LMBR1: variants seen among roughly 807,000 people sequenced by gnomAD.
LMBR1 encodes the protein limb development membrane protein 1, also known as limb region 1 protein homolog.
In LMBR1, 52 loss-of-function variants were observed where a neutral mutation model predicts 73.9. That is an observed-to-expected ratio of 0.70 (90% confidence interval 0.56 to 0.89). The LOEUF is 0.89. Ranked by LOEUF, LMBR1 falls within the 40% of genes least tolerant of loss-of-function variation. The probability of loss-of-function intolerance (pLI) is 0.00; values close to 1 mark genes in which losing one functional copy is unlikely to be tolerated. For synonymous variants in LMBR1, 215 were observed against 209.4 expected, an observed-to-expected ratio of 1.03 and a Z score of -0.23; for missense variants, 539 against 579.8, an observed-to-expected ratio of 0.93 and a Z score of 0.72.
chr7:156,861,913 A>C (rs142285551), intron 1 of LMBR1, among the ~76,000 whole-genome samples: 45 of 152,304 alleles, frequency 3.0e-4, no homozygotes, highest in Non-Finnish European at 5.9e-4. Flanking sequence ...AAAGCCACTC[A>C]ACAAGTCTCT....
At chr7:156,885,739 C>A (rs1017281841) in intron 1 of LMBR1, among the ~76,000 whole-genome samples, 5 of 152,076 alleles carry the variant, frequency 3.3e-5, no homozygotes, top group African/African-American at 1.2e-4. Flanking sequence ...ATTAGCCGGG[C>A]ATGGTGGCAG....
rs750809555 is a variant in LMBR1, at chr7:156,892,937, C to T, written c.57G>A (p.Arg19=). 1.3e-6 allele frequency: 2 copies of T among 1,538,120 alleles called. No homozygotes were observed. The highest frequency in any genetic ancestry group is 2.7e-5 in the East Asian group (1 of 36,728). ...AREQHFHSQV[R]ESTICFLLFA... The stretch of plus-strand genomic sequence containing the variant: ...CTCGGTCCCCACGCACCGTGGACTC[C>T]CGCACTTGGCTGTGGAAGTGCTGCT... The change falls in exon 1 of 17, where the codon CGG becomes CGA. Residue 19 remains arginine, a synonymous_variant. Coordinates refer to ENST00000353442, the MANE Select transcript of LMBR1 (RefSeq NM_022458.4).
chr7:156,827,722 A>G (rs1353586002), intron 3 of LMBR1, among the ~76,000 whole-genome samples: 3 of 151,624 alleles, frequency 2.0e-5, no homozygotes, highest in Non-Finnish European at 2.9e-5. Context: ...TAAAAGCAGG[A>G]AAAAAAAATA....
rs191127554 is a variant in LMBR1, at chr7:156,882,829, G to A, written c.66+10099C>T. Among the ~76,000 whole-genome samples the A allele has an allele frequency of 5.0e-3, 761 of 151,810 alleles. 9 individuals carry two copies. Among genetic ancestry groups the A allele is most frequent in the African/African-American group, 0.018 (725 of 41,412 alleles). On this transcript the variant is annotated intron_variant, in intron 1 of 16. Coordinates refer to ENST00000353442, the MANE Select transcript of LMBR1 (RefSeq NM_022458.4). ...AGGCAGATCACGAGGTCAGGAGTTCGAGACTAGCTGGCCAACACAGTGAAA... is the reference window on the plus strand; with the variant it reads ...AGGCAGATCACGAGGTCAGGAGTTCAAGACTAGCTGGCCAACACAGTGAAA...
At chr7:156,674,703 A>C (rs1055464050), downstream of LMBR1, among the ~76,000 whole-genome samples, 7 of 152,210 alleles carry the variant, frequency 4.6e-5, no homozygotes, top group Non-Finnish European at 7.3e-5. Context: ...ACCAAAAAAA[A>C]CAAAGTACTG....
chr7:156,751,744 G>T (rs1214835648), intron 9 of LMBR1, among the ~76,000 whole-genome samples: 1 of 152,202 alleles, frequency 6.6e-6, no homozygotes, highest in Non-Finnish European at 1.5e-5. Context: ...CCAAGGATTT[G>T]GCCTGAGTAG....
chr7:156,761,978 A>C (rs79873223), intron 8 of LMBR1, among the ~76,000 whole-genome samples, 156 bp downstream of exon 8: 1 of 149,780 alleles, frequency 6.7e-6, no homozygotes, highest in Non-Finnish European at 1.5e-5. Context: ...CTCTGTCTCA[A>C]AAAAAAAAAA....
At chr7:156,698,792 G>GAAA (rs1426735967) in intron 15 of LMBR1, among the ~76,000 whole-genome samples, 3 of 152,136 alleles carry the variant, frequency 2.0e-5, no homozygotes, top group African/African-American at 7.2e-5. Context: ...ATGCCCTGGA[G>GAAA]ACACTTTCCC....
intron 1 of LMBR1, among the ~76,000 whole-genome samples, 183 bp downstream of exon 1, chr7:156,892,745 G>C (rs1240242683): frequency 7.4e-6 from 1 of 134,974 alleles, no homozygotes; most frequent in Admixed American, 7.2e-5. Context: ...GGAGAGGAGA[G>C]GTGGGGAGGG....
At chr7:156,867,535 A>G (rs1329717176) in intron 1 of LMBR1, among the ~76,000 whole-genome samples, 1 of 152,250 alleles carries the variant, frequency 6.6e-6, no homozygotes, top group Non-Finnish European at 1.5e-5. Flanking sequence ...TGAATAAACA[A>G]TATGTGACAT....
intron 15 of LMBR1, among the ~76,000 whole-genome samples, chr7:156,716,590 T>C (rs1030983884): frequency 2.0e-5 from 3 of 152,218 alleles, no homozygotes; most frequent in Non-Finnish European, 4.4e-5. Context: ...CAGGTCTCCA[T>C]GGTATGGCTC....
At position 156,763,161 on chromosome 7, in the gene LMBR1, T is replaced by C; in HGVS notation, c.566A>G (p.Tyr189Cys). ...MESLYDLWEFYLPYLYSCISL... is the reference protein window; with the variant it reads ...MESLYDLWEFCLPYLYSCISL... ...TATACAGGAATATAAATAGGGTAGA[T>C]AGAACTCCCAGAGATCTATTAAAAA... The change falls in exon 7 of 17, where the codon TAT becomes TGT. Residue 189 changes from tyrosine (Y) to cysteine (C), a missense_variant. Transcript: ENST00000353442. 3 of 1,372,576 alleles carry C rather than the reference T, an allele frequency of 2.2e-6. No individual in the cohort carries two copies. Among genetic ancestry groups the C allele is most frequent in the Non-Finnish European group, 3.0e-6 (3 of 985,414 alleles). 85.0% of individuals were successfully genotyped at this position (1,372,576 alleles called of 1,614,324 possible).
At chr7:156,686,284 C>A (rs1805995097) in intron 16 of LMBR1, among the ~76,000 whole-genome samples, 1 of 152,248 alleles carries the variant, frequency 6.6e-6, no homozygotes, top group Non-Finnish European at 1.5e-5. Flanking sequence ...ACCACCATCA[C>A]CACAGCTAAA....
chr7:156,871,345 G>T (rs1048099615), intron 1 of LMBR1, among the ~76,000 whole-genome samples: 6 of 152,302 alleles, frequency 3.9e-5, no homozygotes, highest in Admixed American at 2.0e-4. Flanking sequence ...TGGTTTCATT[G>T]ATGAATGCTA....
chr7:156,839,163 C>A (rs571462347), intron 1 of LMBR1, among the ~76,000 whole-genome samples: 1 of 150,984 alleles, frequency 6.6e-6, no homozygotes, highest in African/African-American at 2.4e-5. Context: ...GATTCTCCTG[C>A]CTCAGCCTCC....
intron 5 of LMBR1, among the ~76,000 whole-genome samples, chr7:156,780,820 T>C (rs563390865): frequency 6.6e-6 from 1 of 152,316 alleles, no homozygotes; most frequent in Non-Finnish European, 1.5e-5. Flanking sequence ...CCCTGTGCTT[T>C]CCACCCCTAC....
chr7:156,858,884 T>A lies in LMBR1; in HGVS notation c.67-21999A>T, dbSNP rs146560385. Among the ~76,000 whole-genome samples, 591 of 152,016 alleles carry A rather than the reference T, an allele frequency of 3.9e-3. 4 individuals are homozygous for A. The highest frequency in any genetic ancestry group is 6.8e-3 in the Non-Finnish European group (463 of 67,988). On this transcript the variant is annotated intron_variant, in intron 1 of 16. Coordinates refer to ENST00000353442, the MANE Select transcript of LMBR1 (RefSeq NM_022458.4). ...TTCATGATCAAGATTCTCAGAAACC[T>A]GTGAATAAAAAAAAAATTCTCAACT...
At chr7:156,866,400 G>A (rs1798460533) in intron 1 of LMBR1, among the ~76,000 whole-genome samples, 2 of 151,788 alleles carry the variant, frequency 1.3e-5, no homozygotes, top group Admixed American at 6.6e-5. Context: ...TTAGTTACAG[G>A]GGCCAGTTGT....
At chr7:156,853,922 T>C (rs1782228607) in intron 1 of LMBR1, among the ~76,000 whole-genome samples, 1 of 149,492 alleles carries the variant, frequency 6.7e-6, no homozygotes, top group Admixed American at 6.7e-5. Context: ...CCTAAAATGC[T>C]GGGATTACAG....
Sources: allele counts gnomAD v4.1 joint callset (sites outside exome capture counted in the v4.1 genomes callset), GRCh38; gene constraint gnomAD v4.1.1; transcripts MANE v1.5; gene names NCBI Gene and HGNC (gene_info 2026-07-23, HGNC 2026-07-21).